Variants in TNPO1 observed in about 807,000 individuals in gnomAD.
The protein encoded by TNPO1 is transportin-1.
Under a neutral mutation model 119.5 loss-of-function variants are expected in TNPO1, and 8 were observed. The ratio of observed to expected loss-of-function variants is 0.07; its 90% CI spans 0.04 to 0.12. The LOEUF (loss-of-function observed/expected upper bound fraction) is 0.12, where lower values mean the gene tolerates loss of function less well. Ranked by LOEUF, TNPO1 falls within the 10% of genes least tolerant of loss-of-function variation. TNPO1 has a pLI of 1.00. For synonymous variants in TNPO1, 362 were observed against 363.0 expected (o/e 1.00, Z 0.03); for missense variants, 576 against 1,089.8 (o/e 0.53, Z 6.64).
In TNPO1 at chr5:72,848,452, A is replaced by G; in HGVS notation, c.83A>G (p.Lys28Arg). The G allele has an allele frequency of 1.2e-5, 20 of 1,612,094 alleles. No individual in the cohort carries two copies. Among genetic ancestry groups the G allele is most frequent in the Non-Finnish European group, 1.6e-5 (19 of 1,178,966 alleles). ...QGLQQILQLL[K>R]ESQSPDTTIQ... ...CTTCAGCAAATCCTGCAGCTGTTGA[A>G]GGAGTCCCAGTCCCCAGACACCACC... is the stretch of plus-strand genomic sequence containing the variant. Residue 28 changes from lysine (K) to arginine (R), a missense_variant, in exon 2 of 25, where the codon AAG (lysine) becomes AGG (arginine). Lys to Arg is a conservative substitution (Grantham distance 26). Around this residue, in one of 6 missense-constraint regions of TNPO1, gnomAD observed 57 missense variants for 59.5 expected, o/e 0.96. Transcript: ENST00000337273.
At chr5:72,900,848 C>CG (rs1561360219) in intron 21 of TNPO1, 126 bp from the exon 22 acceptor site, 1 of 528,502 alleles carries the variant, frequency 1.9e-6, no homozygotes, top group Non-Finnish European at 3.1e-6. Flanking sequence ...TAAAGCTTTC[C>CG]GAAAAACTCT....
chr5:72,900,142 C>T (rs1285124690), intron 21 of TNPO1, 61 bp downstream of exon 21: 29 of 1,401,988 alleles, frequency 2.1e-5, no homozygotes, highest in Non-Finnish European at 2.6e-5. Flanking sequence ...TTCTCTATCT[C>T]ACTTTTAGAT....
At chr5:72,835,163 C>T (rs1348492097) in intron 1 of TNPO1, among the ~76,000 whole-genome samples, 3 of 152,200 alleles carry the variant, frequency 2.0e-5, no homozygotes, top group Non-Finnish European at 4.4e-5. Context: ...GTATCCCTGT[C>T]CTTAACTGAC....
intron 3 of TNPO1, among the ~76,000 whole-genome samples, chr5:72,851,800 C>T (rs918987572): frequency 1.3e-5 from 2 of 152,158 alleles, no homozygotes; most frequent in Admixed American, 6.5e-5. Context: ...AGCCAGCATT[C>T]ATTTTTAATA....
At chr5:72,882,942 T>G (rs946888474) in intron 10 of TNPO1, 122 bp from the exon 11 acceptor site, 27 of 756,508 alleles carry the variant, frequency 3.6e-5, no homozygotes, top group Non-Finnish European at 5.7e-5. Flanking sequence ...TTAATCACTC[T>G]GGAAGTATAT....
At position 72,883,114 on chromosome 5, in the gene TNPO1, G is replaced by A; in HGVS notation, c.1032G>A (p.Arg344=). 6.2e-7 allele frequency: 1 copy of A among 1,613,964 alleles called. No individual in the cohort carries two copies. Among genetic ancestry groups the A allele is most frequent in the Non-Finnish European group, 8.5e-7 (1 of 1,180,020 alleles). The part of the protein sequence containing the change: ...ETIPDSEQDI[R]PRFHRSRTVA... ...TTCCTGATAGTGAACAGGATATACGGCCACGTTTTCACCGATCGAGGACGG... is the reference window on the plus strand; with the variant it reads ...TTCCTGATAGTGAACAGGATATACGACCACGTTTTCACCGATCGAGGACGG... The change falls in exon 11 of 25, where the codon CGG becomes CGA. Residue 344 remains arginine (R), a synonymous_variant. Coordinates refer to ENST00000337273, the MANE Select transcript of TNPO1 (RefSeq NM_002270.4).
intron 5 of TNPO1, among the ~76,000 whole-genome samples, chr5:72,863,364 C>T (rs1175748983): frequency 6.6e-6 from 1 of 152,114 alleles, no homozygotes; most frequent in Admixed American, 6.5e-5. Flanking sequence ...CACCTGTAAT[C>T]CCAAGGCCTA....
rs189767692 is a variant in TNPO1 at position 72,894,980 on chromosome 5, A to G, written c.2143+1277A>G. ...GTAGAAAAAATGTAACAAACCTCCTATCACCCAGCTTCAACTGTCCAGTCC... is the reference window on the plus strand; with the variant it reads ...GTAGAAAAAATGTAACAAACCTCCTGTCACCCAGCTTCAACTGTCCAGTCC... On this transcript the variant is annotated intron_variant, in intron 18 of 24. Coordinates refer to ENST00000337273, the MANE Select transcript of TNPO1 (RefSeq NM_002270.4). Among the ~76,000 whole-genome samples, 4 of 152,302 alleles carry G rather than the reference A, an allele frequency of 2.6e-5. No individual in the cohort carries two copies. In the East Asian group the frequency reaches 5.8e-4, roughly 22 times the overall value.
Position 72,851,228 on chromosome 5 carries a change from CTACT to C in TNPO1, c.130-15_130-12del, listed in dbSNP as rs1379435331. 43 of 1,512,514 alleles carry C rather than the reference CTACT, an allele frequency of 2.8e-5. No individual in the cohort carries two copies. Among genetic ancestry groups the C allele is most frequent in the Non-Finnish European group, 3.9e-5 (43 of 1,097,134 alleles). 93.7% of individuals were successfully genotyped at this position (1,512,514 alleles called of 1,614,324 possible). A position where few individuals can be genotyped will look rare whatever the true frequency, so the allele number is the denominator to read the frequency against. ...AGATTACACAGAGAAGTTTCCTTAA[CTACT>C]GTTTGTTCTAGAAACTGGAACAACT... On this transcript the variant is annotated splice_polypyrimidine_tract_variant and intron_variant, in intron 2 of 24. Coordinates refer to ENST00000337273, the MANE Select transcript of TNPO1 (RefSeq NM_002270.4).
rs1473550679 is a variant in TNPO1 at position 72,912,347 on chromosome 5, A to G, written c.*3674A>G. ...TTGATCTGAATTGCTTAAATTGCAT[A>G]TATTGTAAAATAGGATCAGATGTAT... On this transcript the variant is annotated 3_prime_UTR_variant, in exon 25 of 25. Transcript: ENST00000337273. 1.3e-5 allele frequency: 2 copies of G among 152,484 alleles called. No individual in the cohort carries two copies. Among genetic ancestry groups the G allele is most frequent in the Non-Finnish European group, 2.9e-5 (2 of 67,938 alleles). The allele number at this position is 152,484 out of a possible 1,614,324, so 9.4% of individuals were successfully genotyped here. A position where few individuals can be genotyped will look rare whatever the true frequency, so the allele number is the denominator to read the frequency against.
intron 2 of TNPO1, among the ~76,000 whole-genome samples, chr5:72,850,108 T>G (rs1005989727): frequency 6.6e-5 from 10 of 152,342 alleles, no homozygotes; most frequent in African/African-American, 2.2e-4. Flanking sequence ...TACATACTGC[T>G]GTTTCAGAGT....
chr5:72,833,489 A>G (rs1744566879), intron 1 of TNPO1, among the ~76,000 whole-genome samples: 1 of 152,160 alleles, frequency 6.6e-6, no homozygotes. Flanking sequence ...TGAAGCTTAG[A>G]TGCTATGATT....
chr5:72,836,455 T>C (rs1744698228), intron 1 of TNPO1, among the ~76,000 whole-genome samples: 1 of 152,186 alleles, frequency 6.6e-6, no homozygotes, highest in Admixed American at 6.5e-5. Context: ...ACAGCTAGGG[T>C]AGCCAGGGAA....
chr5:72,893,800 C>T, intron 18 of TNPO1, 97 bp downstream of exon 18: 1 of 1,129,782 alleles, frequency 8.9e-7, no homozygotes, highest in Admixed American at 2.0e-5. Flanking sequence ...GCATGGAATC[C>T]CAACATTTAT....
At position 72,856,251 on chromosome 5, in the gene TNPO1, T is replaced by A. The variant is rs148541290; in HGVS notation, c.355+328T>A. ...AGAGTTCTGTTTGTTTTTTTGTTTT[T>A]TTTTGAAGCAGTCTCTGTTGCCCAG... On this transcript the variant is annotated intron_variant, in intron 4 of 24. Coordinates refer to ENST00000337273, the MANE Select transcript of TNPO1 (RefSeq NM_002270.4). Among the ~76,000 whole-genome samples, 10 of 152,252 alleles carry A rather than the reference T, an allele frequency of 6.6e-5. No homozygotes were observed. In the East Asian group the frequency reaches 1.7e-3, roughly 26 times the overall value.
chr5:72,816,862 C>G (rs1561285902), intron 1 of TNPO1, 110 bp downstream of exon 1: 2 of 1,354,148 alleles, frequency 1.5e-6, no homozygotes, highest in Non-Finnish European at 2.0e-6. Flanking sequence ...CGCCCGCTCT[C>G]TCGGCGCCTG....
intron 6 of TNPO1, among the ~76,000 whole-genome samples, chr5:72,868,458 A>AAAAAAAAAAAAAC (rs1554052270): frequency 5.3e-5 from 6 of 113,318 alleles, no homozygotes; most frequent in South Asian, 2.6e-4. Flanking sequence ...AAAAAAAAAA[A>AAAAAAAAAAAAAC]ACACAAAATA....
chr5:72,889,874 A>G lies in TNPO1; in HGVS notation c.1618A>G (p.Lys540Glu). 1 of 1,613,790 alleles carries G rather than the reference A, an allele frequency of 6.2e-7. No homozygotes were observed. Among genetic ancestry groups the G allele is most frequent in the Non-Finnish European group, 8.5e-7 (1 of 1,179,892 alleles). The change falls in exon 14 of 25, where the codon AAA becomes GAA. Residue 540 changes from lysine (K) to glutamate (E), a missense_variant. By Grantham distance (56) the Lys-to-Glu change is moderately conservative (BLOSUM62 1). Coordinates refer to ENST00000337273, the MANE Select transcript of TNPO1 (RefSeq NM_002270.4). ...ILDTLVFAFS[K>E]YQHKNLLILY... ...TGATACCCTGGTCTTTGCATTTAGT[A>G]AATACCAGCATAAGAACCTGCTCAT...
At chr5:72,831,510 C>T (rs1744467095) in intron 1 of TNPO1, among the ~76,000 whole-genome samples, 1 of 151,786 alleles carries the variant, frequency 6.6e-6, no homozygotes, top group African/African-American at 2.4e-5. Context: ...TATTTTGTAG[C>T]ATTTAAATGT....
Sources: allele counts gnomAD v4.1 joint callset (sites outside exome capture counted in the v4.1 genomes callset), GRCh38; gene constraint gnomAD v4.1.1; regional missense constraint gnomAD v4.1.1; transcripts MANE v1.5; gene names NCBI Gene and HGNC (gene_info 2026-07-23, HGNC 2026-07-21).